The following UNC13C variants were observed in gnomAD, a reference collection of about 807,000 sequenced individuals.
UNC13C encodes unc-13 homolog C, also known as protein unc-13 homolog C.
A neutral mutation model predicts 245.4 loss-of-function variants in UNC13C; 174 were observed. The observed-to-expected ratio is 0.71, with a 90% CI of 0.63 to 0.80. The LOEUF is 0.80. Ranked by LOEUF, UNC13C falls within the 30% of genes least tolerant of loss-of-function variation. The probability of loss-of-function intolerance (pLI) is 0.00; values close to 1 mark genes in which losing one functional copy is unlikely to be tolerated. For missense variants in UNC13C, 2,829 were observed against 2,602.9 expected (o/e 1.09, Z -1.89); for synonymous variants, 992 against 895.1 (o/e 1.11, Z -1.93).
chr15:54,189,224 G>A lies in UNC13C; in HGVS notation c.3071+45540G>A, dbSNP rs186395614. Reference sequence around the variant, plus strand: ...TGGAATAAAATTAAAATGTGTAAAAGTGGTTCATAAAATTCTGTCTCCCAG... The same window carrying A: ...TGGAATAAAATTAAAATGTGTAAAAATGGTTCATAAAATTCTGTCTCCCAG... On this transcript the variant is annotated intron_variant, in intron 4 of 32. Coordinates refer to ENST00000260323, the MANE Select transcript of UNC13C (RefSeq NM_001080534.3). 1.9e-3 allele frequency among the ~76,000 whole-genome samples: 285 copies of A among 152,252 alleles called. 1 individual carries two copies. The highest frequency in any genetic ancestry group is 6.5e-3 in the African/African-American group (272 of 41,558).
rs554333089 is a variant in UNC13C at position 54,454,571 on chromosome 15, A to G, written c.4933+39504A>G. ...CCAGCCCAGGCAACAATAGTGGGGG[A>G]AAAAAAAAAAACAACAATAACTCCC... On this transcript the variant is annotated intron_variant, in intron 19 of 32. Transcript: ENST00000260323. Among the ~76,000 whole-genome samples the G allele has an allele frequency of 6.8e-3, 32 of 4,736 alleles. 2 individuals are homozygous for G. The highest frequency in any genetic ancestry group is 0.016 in the African/African-American group (29 of 1,830). The allele number at this position is 4,736 out of a possible 152,430, so 3.1% of individuals were successfully genotyped here. A position where few individuals can be genotyped will look rare whatever the true frequency, so the allele number is the denominator to read the frequency against.
chr15:54,070,402 G>T (rs1898264396), intron 2 of UNC13C, among the ~76,000 whole-genome samples: 1 of 152,168 alleles, frequency 6.6e-6, no homozygotes, highest in Non-Finnish European at 1.5e-5. Flanking sequence ...AGTGGAATAT[G>T]TAAGTGCTAC....
the UNC13C span, among the ~76,000 whole-genome samples, chr15:53,929,888 A>C: frequency 6.6e-6 from 1 of 152,240 alleles, no homozygotes; most frequent in Non-Finnish European, 1.5e-5. Context: ...AACAAAAATA[A>C]GATGCTACCG....
chr15:54,536,333 T>C (rs1895980362), intron 26 of UNC13C, among the ~76,000 whole-genome samples: 1 of 151,862 alleles, frequency 6.6e-6, no homozygotes, highest in African/African-American at 2.4e-5. Flanking sequence ...ATGGAATCAG[T>C]AATAATAAAA....
chr15:54,540,774 C>T (rs539259263), intron 26 of UNC13C, among the ~76,000 whole-genome samples: 2 of 152,046 alleles, frequency 1.3e-5, no homozygotes, highest in Non-Finnish European at 2.9e-5. Flanking sequence ...GCGCACGTGA[C>T]AATGATTTTA....
rs1030392058 is a variant in UNC13C at position 54,268,107 on chromosome 15, C to T, written c.3818+2611C>T. ...TTAGGTATTTGTCCTAATGCTCTCC[C>T]TCCACTTGCGCCCCACCCCCCAACT... On this transcript the variant is annotated intron_variant, in intron 10 of 32. Transcript: ENST00000260323. 3.9e-4 allele frequency among the ~76,000 whole-genome samples: 59 copies of T among 151,924 alleles called. 1 individual carries two copies. Among genetic ancestry groups the T allele is most frequent in the Non-Finnish European group, 1.2e-4 (8 of 67,950 alleles).
At chr15:54,049,458 C>T in intron 2 of UNC13C, 1 of 425,990 alleles carries the variant, frequency 2.3e-6, no homozygotes, top group Non-Finnish European at 4.7e-6. Context: ...ATTGAAGAGA[C>T]ATTGAAACAA....
intron 17 of UNC13C, among the ~76,000 whole-genome samples, chr15:54,379,688 G>A (rs190893143): frequency 6.6e-6 from 1 of 152,170 alleles, no homozygotes; most frequent in African/African-American, 2.4e-5. Flanking sequence ...AACCTACATG[G>A]TTCTGATGGA....
At chr15:54,141,622 T>G (rs1396881282) in intron 2 of UNC13C, among the ~76,000 whole-genome samples, 1 of 152,134 alleles carries the variant, frequency 6.6e-6, no homozygotes, top group African/African-American at 2.4e-5. Flanking sequence ...CCAATTGATA[T>G]GTCATATTAG....
intron 17 of UNC13C, among the ~76,000 whole-genome samples, chr15:54,350,010 C>T (rs1450530643): frequency 3.3e-5 from 5 of 150,576 alleles, no homozygotes; most frequent in African/African-American, 7.3e-5. Flanking sequence ...TTTTTTGAGA[C>T]GGAGTCTCAC....
At chr15:54,617,745 C>T (rs1005816875) in intron 30 of UNC13C, among the ~76,000 whole-genome samples, 1 of 152,082 alleles carries the variant, frequency 6.6e-6, no homozygotes, top group Non-Finnish European at 1.5e-5. Flanking sequence ...TATTCATCAT[C>T]TACCATCTTG....
chr15:54,042,867 AAAAGAAAAAG>A (rs1457053120), intron 2 of UNC13C, among the ~76,000 whole-genome samples: 2 of 54,514 alleles, frequency 3.7e-5, no homozygotes, highest in Non-Finnish European at 1.1e-4. Flanking sequence ...AAGAAAAAGA[AAAAGAAAAAG>A]AAACCACTTA....
chr15:54,334,091 A>G (rs1389253178), intron 16 of UNC13C, among the ~76,000 whole-genome samples: 2 of 152,126 alleles, frequency 1.3e-5, no homozygotes, highest in African/African-American at 4.8e-5. Context: ...TCTCAGTTAA[A>G]TTTGTCTTAG....
chr15:54,053,042 G>A (rs1473214903), intron 2 of UNC13C, among the ~76,000 whole-genome samples: 3 of 152,252 alleles, frequency 2.0e-5, no homozygotes, highest in South Asian at 2.1e-4. Context: ...TGCCCAGGCT[G>A]GAGTACAGTG....
At chr15:54,593,799 C>G (rs1898926601) in intron 30 of UNC13C, among the ~76,000 whole-genome samples, 1 of 152,138 alleles carries the variant, frequency 6.6e-6, no homozygotes, top group Non-Finnish European at 1.5e-5. Context: ...CCCTGAGTAG[C>G]TTAACTAACC....
chr15:54,504,913 G>A (rs528615852), intron 22 of UNC13C, among the ~76,000 whole-genome samples: 91 of 152,174 alleles, frequency 6.0e-4, no homozygotes, highest in Non-Finnish European at 8.4e-4. Flanking sequence ...ATTGATGGCC[G>A]TCCCACTCAA....
chr15:54,013,161 T>C lies in UNC13C; in HGVS notation c.258T>C (p.Phe86=), dbSNP rs1895460567. 1 of 1,613,870 alleles carries C rather than the reference T, an allele frequency of 6.2e-7. No individual in the cohort carries two copies. The highest frequency in any genetic ancestry group is 1.7e-5 in the Admixed American group (1 of 59,938). The change falls in exon 2 of 33, where the codon TTT becomes TTC. Residue 86 remains phenylalanine (F), a synonymous_variant. Coordinates refer to ENST00000260323, the MANE Select transcript of UNC13C (RefSeq NM_001080534.3). ...AGGAAGACGAGGCCAGTAAAGAGTT[T>C]TCCCTCTCACCAACATTCAGTTACC... is the stretch of plus-strand genomic sequence containing the variant. ...STEEDEASKE[F]SLSPTFSYRV... is the part of the protein sequence containing the mutation.
At chr15:53,971,212 T>G in the UNC13C span, among the ~76,000 whole-genome samples, 1 of 152,210 alleles carries the variant, frequency 6.6e-6, no homozygotes, top group Non-Finnish European at 1.5e-5. Context: ...GACAGCCTCT[T>G]CAACAAATAA....
At chr15:54,630,831 A>T (rs1489850460), downstream of UNC13C, 1 of 152,136 alleles carries the variant, frequency 6.6e-6, no homozygotes, top group African/African-American at 2.4e-5. Context: ...GTTAAATAAT[A>T]TATATTTAAA....
Sources: gnomAD v4.1 joint callset for allele counts (sites outside exome capture counted in the v4.1 genomes callset) on GRCh38, gnomAD v4.1.1 for gene constraint, MANE v1.5 for transcripts, NCBI Gene and HGNC (gene_info 2026-07-23, HGNC 2026-07-21) for gene names.